Variants in PALM2AKAP2 observed in about 807,000 individuals in gnomAD.
PALM2AKAP2 encodes the protein PALM2 and AKAP2 fusion, also known as PALM2-AKAP2 fusion protein.
PALM2AKAP2 carries 37 observed loss-of-function variants against 71.5 expected under a neutral mutation model. The observed-to-expected ratio is 0.52, with a 90% confidence interval of 0.40 to 0.68. PALM2AKAP2 has a LOEUF of 0.68. Ranked by LOEUF, PALM2AKAP2 falls within the 30% of genes least tolerant of loss-of-function variation. The pLI, the probability that PALM2AKAP2 is intolerant of heterozygous loss-of-function variation, is 0.00. For synonymous variants in PALM2AKAP2, 468 were observed against 478.8 expected (o/e 0.98, Z 0.29); for missense variants, 1,224 against 1,191.8 (o/e 1.03, Z -0.40).
intron 7 of PALM2AKAP2, among the ~76,000 whole-genome samples, chr9:110,023,929 G>A (rs1406714202): frequency 6.6e-6 from 1 of 152,038 alleles, no homozygotes; most frequent in Non-Finnish European, 1.5e-5. Context: ...GGGAGATTGA[G>A]GCTGCAGTGA....
intron 1 of PALM2AKAP2, among the ~76,000 whole-genome samples, chr9:109,670,753 C>A (rs1043311347): frequency 6.6e-6 from 1 of 152,088 alleles, no homozygotes; most frequent in African/African-American, 2.4e-5. Context: ...ATAAGGATTC[C>A]TTTTTCTCCA....
chr9:109,796,245 G>T (rs1389973229), intron 1 of PALM2AKAP2, among the ~76,000 whole-genome samples: 1 of 152,178 alleles, frequency 6.6e-6, no homozygotes, highest in Non-Finnish European at 1.5e-5. Context: ...CAAAATATTA[G>T]AAAACTGTGA....
At chr9:110,016,101 C>A in intron 7 of PALM2AKAP2, 62 bp downstream of exon 7, 2 of 1,528,510 alleles carry the variant, frequency 1.3e-6, no homozygotes, top group Non-Finnish European at 1.8e-6. Flanking sequence ...CAGCCGATGG[C>A]AGGTTTTTCT....
At chr9:110,107,801 A>G (rs1303086397) in intron 1 of PALM2AKAP2, among the ~76,000 whole-genome samples, 2 of 152,138 alleles carry the variant, frequency 1.3e-5, no homozygotes, top group Non-Finnish European at 2.9e-5. Context: ...TCCTGGCCTC[A>G]GGCAATCTGC....
chr9:109,690,267 T>C (rs1382585231), intron 1 of PALM2AKAP2, among the ~76,000 whole-genome samples: 1 of 152,238 alleles, frequency 6.6e-6, no homozygotes, highest in Non-Finnish European at 1.5e-5. Flanking sequence ...GGTATAGATC[T>C]TGAAAGAAAT....
chr9:109,768,036 AAAGAG>A (rs1829189678), intron 1 of PALM2AKAP2, among the ~76,000 whole-genome samples: 3 of 112,594 alleles, frequency 2.7e-5, no homozygotes, highest in South Asian at 3.3e-4. Flanking sequence ...AAGGAAAGAA[AAAGAG>A]GGAAGGAAGG....
chr9:109,800,470 G>C (rs929205586), intron 1 of PALM2AKAP2, among the ~76,000 whole-genome samples: 2 of 152,120 alleles, frequency 1.3e-5, no homozygotes, highest in African/African-American at 4.8e-5. Context: ...GATCTGTCTG[G>C]CTCCAAACCC....
intron 1 of PALM2AKAP2, among the ~76,000 whole-genome samples, chr9:109,650,873 C>T (rs1368091711): frequency 6.6e-6 from 1 of 152,082 alleles, no homozygotes; most frequent in Non-Finnish European, 1.5e-5. Context: ...TTAGTAACTA[C>T]CAAATGTCAT....
intron 6 of PALM2AKAP2, among the ~76,000 whole-genome samples, chr9:109,932,650 C>G (rs1831131812): frequency 6.6e-6 from 1 of 151,854 alleles, no homozygotes; most frequent in Non-Finnish European, 1.5e-5. Context: ...CCATGCTTTG[C>G]TCTGCTTAAT....
chr9:109,741,487 G>A (rs369095314), intron 1 of PALM2AKAP2, among the ~76,000 whole-genome samples: 1 of 152,200 alleles, frequency 6.6e-6, no homozygotes, highest in Admixed American at 6.5e-5. Context: ...GATTGAAACT[G>A]CTGGGTCATA....
At chr9:109,851,893 A>C (rs1325869235) in intron 1 of PALM2AKAP2, among the ~76,000 whole-genome samples, 1 of 152,162 alleles carries the variant, frequency 6.6e-6, no homozygotes, top group Non-Finnish European at 1.5e-5. Context: ...GTGGGTAAAA[A>C]GCTGTGTGGT....
chr9:109,731,822 T>G (rs892816500), intron 1 of PALM2AKAP2, among the ~76,000 whole-genome samples: 2 of 152,216 alleles, frequency 1.3e-5, no homozygotes, highest in Non-Finnish European at 2.9e-5. Flanking sequence ...CAGGTTAATA[T>G]TCATATGTGT....
At chr9:109,930,690 A>T (rs1333304788) in intron 5 of PALM2AKAP2, among the ~76,000 whole-genome samples, 1 of 152,236 alleles carries the variant, frequency 6.6e-6, no homozygotes, top group Non-Finnish European at 1.5e-5. Flanking sequence ...CCTCTTCAGC[A>T]AGAAATGAAA....
intron 1 of PALM2AKAP2, among the ~76,000 whole-genome samples, chr9:110,119,268 G>T (rs1386553673): frequency 6.6e-6 from 1 of 150,378 alleles, no homozygotes; most frequent in East Asian, 1.9e-4. Context: ...GCTTGAACCC[G>T]GGAGGCAGAG....
At chr9:110,025,285 A>C in intron 7 of PALM2AKAP2, 1 of 1,170,002 alleles carries the variant, frequency 8.5e-7, no homozygotes. Context: ...GGCCAAAGGA[A>C]CAACTCCATG....
At chr9:109,996,361 T>C (rs1832575480) in intron 6 of PALM2AKAP2, among the ~76,000 whole-genome samples, 1 of 152,234 alleles carries the variant, frequency 6.6e-6, no homozygotes, top group Non-Finnish European at 1.5e-5. Context: ...TTTAAGCTAT[T>C]AGTTCTCTAA....
At chr9:110,162,830 A>G (rs1037502268) in intron 3 of PALM2AKAP2, among the ~76,000 whole-genome samples, 16 of 152,070 alleles carry the variant, frequency 1.1e-4, no homozygotes, top group African/African-American at 2.7e-4. Context: ...AGCCTCCCAA[A>G]GAGCTGGAAC....
At chr9:110,048,714 G>T (rs1489405655) in exon 1 of PALM2AKAP2, 34 of 1,547,278 alleles carry the variant, frequency 2.2e-5, no homozygotes, top group Non-Finnish European at 2.7e-5. Context: ...GCTGGCCCCA[G>T]CCCGGGGCTG....
At position 110,141,492 on chromosome 9, in the gene PALM2AKAP2, A is replaced by G. The variant is rs1296787456; in HGVS notation, c.2569+2953A>G. ...TGAAAGAAACGGAATGTAAAATACA[A>G]TTTTCTTCCTGTTCATGCCTGGAAA... On this transcript the variant is annotated intron_variant, in intron 2 of 3. Transcript: ENST00000374525. Among the ~76,000 whole-genome samples the G allele has an allele frequency of 2.6e-5, 4 of 152,310 alleles. No homozygotes were observed. The East Asian group carries it at 7.7e-4, about 29-fold the overall frequency.
Sources: gnomAD v4.1 joint callset for allele counts (sites outside exome capture counted in the v4.1 genomes callset) on GRCh38, gnomAD v4.1.1 for gene constraint, MANE v1.5 for transcripts, NCBI Gene and HGNC (gene_info 2026-07-23, HGNC 2026-07-21) for gene names.